The following MSRA variants were observed in gnomAD, a reference collection of about 807,000 sequenced individuals.
The protein encoded by MSRA is methionine sulfoxide reductase A.
Under a neutral mutation model 31.3 loss-of-function variants are expected in MSRA, and 54 were observed. The ratio of observed to expected loss-of-function variants is 1.73; its 90% confidence interval spans 1.39 to 2.17. The LOEUF is 2.17. MSRA is among the 30% of genes most tolerant of loss of function. The probability of loss-of-function intolerance (pLI) is 0.00; values close to 1 mark genes in which losing one functional copy is unlikely to be tolerated. For synonymous variants in MSRA, 169 were observed against 116.5 expected (o/e 1.45, Z -2.90); for missense variants, 507 against 300.9 (o/e 1.69, Z -5.07).
chr8:10,174,035 T>C (rs1585092728), intron 1 of MSRA, among the ~76,000 whole-genome samples: 1 of 152,244 alleles, frequency 6.6e-6, no homozygotes, highest in East Asian at 1.9e-4. Context: ...TGGTATCTTC[T>C]AGCTTGGAAC....
chr8:10,313,882 A>G (rs1801572403), intron 4 of MSRA, among the ~76,000 whole-genome samples: 1 of 152,248 alleles, frequency 6.6e-6, no homozygotes, highest in Non-Finnish European at 1.5e-5. Flanking sequence ...AGTATGACAA[A>G]TGACACAGTT....
chr8:10,391,114 C>A (rs1176729693), intron 5 of MSRA, among the ~76,000 whole-genome samples: 1 of 152,146 alleles, frequency 6.6e-6, no homozygotes, highest in Non-Finnish European at 1.5e-5. Flanking sequence ...ACTTACTTGT[C>A]AATATTCTCA....
intron 1 of MSRA, among the ~76,000 whole-genome samples, chr8:10,143,169 A>G (rs1028094710): frequency 6.6e-6 from 1 of 152,184 alleles, no homozygotes; most frequent in African/African-American, 2.4e-5. Context: ...CTCTTCTTTC[A>G]CGGGGAAAGA....
At chr8:10,277,515 A>G (rs904634036) in intron 3 of MSRA, among the ~76,000 whole-genome samples, 2 of 152,062 alleles carry the variant, frequency 1.3e-5, no homozygotes, top group African/African-American at 4.8e-5. Context: ...TCCTACCCCC[A>G]TTTACAAAGT....
chr8:10,289,197 G>A (rs997116605), intron 3 of MSRA, among the ~76,000 whole-genome samples: 1 of 151,898 alleles, frequency 6.6e-6, no homozygotes, highest in South Asian at 2.1e-4. Context: ...TGTATTTTTA[G>A]TAGAGACGGA....
At chr8:10,186,308 T>C (rs1171107558) in intron 1 of MSRA, among the ~76,000 whole-genome samples, 1 of 152,166 alleles carries the variant, frequency 6.6e-6, no homozygotes, top group Non-Finnish European at 1.5e-5. Flanking sequence ...TTGCAGGCCA[T>C]ACGGTTCCTG....
At chr8:10,301,475 A>C in intron 3 of MSRA, 59 bp from the exon 4 acceptor site, 1 of 1,346,338 alleles carries the variant, frequency 7.4e-7, no homozygotes, top group South Asian at 1.2e-5. Context: ...GTGAACAAAA[A>C]ACTTGCAATA....
intron 3 of MSRA, among the ~76,000 whole-genome samples, chr8:10,298,862 T>G (rs1800686168): frequency 6.6e-6 from 1 of 152,194 alleles, no homozygotes; most frequent in Non-Finnish European, 1.5e-5. Flanking sequence ...GAATTTTTTG[T>G]GCATGTATAT....
chr8:10,406,020 G>C (rs1179296092), intron 5 of MSRA, among the ~76,000 whole-genome samples: 1 of 152,284 alleles, frequency 6.6e-6, no homozygotes, highest in East Asian at 1.9e-4. Flanking sequence ...GGGTAGGGCT[G>C]CCTGCAGTGA....
intron 5 of MSRA, among the ~76,000 whole-genome samples, chr8:10,419,375 T>C (rs548476823): frequency 6.6e-6 from 1 of 152,198 alleles, no homozygotes; most frequent in Non-Finnish European, 1.5e-5. Context: ...TGAATTTGAA[T>C]AAGATCCCTA....
intron 5 of MSRA, among the ~76,000 whole-genome samples, chr8:10,334,882 C>T (rs1042263071): frequency 1.3e-5 from 2 of 152,260 alleles, no homozygotes; most frequent in South Asian, 2.1e-4. Flanking sequence ...CTCCCGTCTG[C>T]CCCGCTGCCT....
intron 1 of MSRA, among the ~76,000 whole-genome samples, chr8:10,162,757 G>A (rs1159435430): frequency 3.9e-5 from 6 of 152,164 alleles, no homozygotes; most frequent in Non-Finnish European, 8.8e-5. Flanking sequence ...TCCCTAAGAG[G>A]TAGGCACTGA....
At chr8:10,343,028 CACACACACACACACACACACACACAG>C (rs1371717590) in intron 5 of MSRA, among the ~76,000 whole-genome samples, 67 of 90,768 alleles carry the variant, frequency 7.4e-4, no homozygotes, top group African/African-American at 2.0e-3. Context: ...ATTACACACA[CACACACACACACACACACACACACAG>C]ACACACACAC....
chr8:10,107,670 G>A (rs920361381), intron 1 of MSRA, among the ~76,000 whole-genome samples: 1 of 152,156 alleles, frequency 6.6e-6, no homozygotes, highest in Non-Finnish European at 1.5e-5. Flanking sequence ...AAAGAAAAAT[G>A]AGTTTTACTT....
intron 1 of MSRA, among the ~76,000 whole-genome samples, chr8:10,075,754 G>A (rs953627984): frequency 2.6e-5 from 4 of 152,188 alleles, no homozygotes; most frequent in East Asian, 3.8e-4. Context: ...TAACTGCTAC[G>A]GAGATCACAG....
rs144471149 is a variant in MSRA, at chr8:10,280,624, G to A, written c.332-20910G>A. On this transcript the variant is annotated intron_variant, in intron 3 of 5. Coordinates refer to ENST00000317173, the MANE Select transcript of MSRA (RefSeq NM_012331.5). ...AACCAGTGTGGCAGTTCCTTAAAAGGTTAAACATAGGGTTAGTCTATGACT... is the reference window on the plus strand; with the variant it reads ...AACCAGTGTGGCAGTTCCTTAAAAGATTAAACATAGGGTTAGTCTATGACT... 3.7e-3 allele frequency among the ~76,000 whole-genome samples: 556 copies of A among 152,264 alleles called. 2 individuals are homozygous for A. Among genetic ancestry groups the A allele is most frequent in the African/African-American group, 0.013 (532 of 41,546 alleles).
chr8:10,067,011 C>G (rs751513726), intron 1 of MSRA, among the ~76,000 whole-genome samples: 1 of 151,934 alleles, frequency 6.6e-6, no homozygotes, highest in African/African-American at 2.4e-5. Context: ...AATATAGATA[C>G]ATTATTATTA....
intron 1 of MSRA, among the ~76,000 whole-genome samples, chr8:10,148,052 GC>G (rs1803312020): frequency 6.6e-6 from 1 of 152,224 alleles, no homozygotes; most frequent in Non-Finnish European, 1.5e-5. Context: ...CAGCCGTGGG[GC>G]TGACGTGAGA....
At chr8:10,268,779 C>T (rs896276280) in intron 3 of MSRA, among the ~76,000 whole-genome samples, 4 of 152,222 alleles carry the variant, frequency 2.6e-5, no homozygotes, top group African/African-American at 4.8e-5. Flanking sequence ...TAATAGAACA[C>T]ATTACACCAT....
Sources: gnomAD v4.1 joint callset for allele counts (sites outside exome capture counted in the v4.1 genomes callset) on GRCh38, gnomAD v4.1.1 for gene constraint, MANE v1.5 for transcripts, NCBI Gene and HGNC (gene_info 2026-07-23, HGNC 2026-07-21) for gene names.